MTCL1: variants seen among roughly 807,000 people sequenced by gnomAD.
The protein encoded by MTCL1 is microtubule crosslinking factor 1, also known as microtubule cross-linking factor 1.
In MTCL1, 79 loss-of-function variants were observed where a neutral mutation model predicts 141.4. That is an observed-to-expected ratio of 0.56 (90% CI 0.47 to 0.67). MTCL1 has a LOEUF of 0.67. MTCL1 is among the 30% of genes least tolerant of loss of function. The pLI is 0.00. For missense variants in MTCL1, 2,177 were observed against 2,113.9 expected (o/e 1.03, Z -0.59); for synonymous variants, 914 against 875.8 (o/e 1.04, Z -0.77).
intron 8 of MTCL1, 73 bp from the exon 8 acceptor site, chr18:8,796,159 G>C: frequency 6.8e-7 from 1 of 1,476,026 alleles, no homozygotes; most frequent in Non-Finnish European, 9.4e-7. Context: ...GCAGTTTGCA[G>C]GGACTCTTGG....
chr18:8,713,882 G>T (rs1404692487), upstream of MTCL1, among the ~76,000 whole-genome samples: 3 of 152,206 alleles, frequency 2.0e-5, no homozygotes, highest in African/African-American at 7.2e-5. Context: ...GCTCAAGGTG[G>T]CAGTGAGCCA....
chr18:8,814,760 C>G (rs576213182), intron 12 of MTCL1, among the ~76,000 whole-genome samples: 1 of 152,328 alleles, frequency 6.6e-6, no homozygotes, highest in South Asian at 2.1e-4. Flanking sequence ...CTGCCATGCC[C>G]CCTTTAGGGT....
intron 4 of MTCL1, among the ~76,000 whole-genome samples, chr18:8,775,553 A>G (rs918224727): frequency 6.6e-6 from 1 of 151,972 alleles, no homozygotes; most frequent in Non-Finnish European, 1.5e-5. Context: ...AGCCTGGGCG[A>G]CAGAGAAAGA....
At position 8,767,080 on chromosome 18, in the gene MTCL1, G is replaced by A. The variant is rs541769919; in HGVS notation, c.358-10753G>A. ...TAATTAAATAATCTGTAGTTTCCAG[G>A]ACAGTGGCAGAGGCTGATGGAGGAG... is the stretch of plus-strand genomic sequence containing the variant. On this transcript the variant is annotated intron_variant, in intron 4 of 16. Transcript: ENST00000359865. Among the ~76,000 whole-genome samples, 106 of 152,316 alleles carry A rather than the reference G, an allele frequency of 7.0e-4. 1 individual carries two copies. Among genetic ancestry groups the A allele is most frequent in the African/African-American group, 2.3e-3 (97 of 41,562 alleles).
rs746789873 is a variant in MTCL1 at position 8,829,707 on chromosome 18, A to T, written c.*18+743A>T. Reference sequence around the variant, plus strand: ...ATCTGTTGTCAAATACAACAGATGTATCCCCATGAAAAGATGACAGGGAAC... The same window carrying T: ...ATCTGTTGTCAAATACAACAGATGTTTCCCCATGAAAAGATGACAGGGAAC... On this transcript the variant is annotated intron_variant, in intron 16 of 16. Coordinates refer to ENST00000359865, the Ensembl canonical transcript of MTCL1. 5 of 985,202 alleles carry T rather than the reference A, an allele frequency of 5.1e-6. No individual in the cohort carries two copies. In the African/African-American group the frequency reaches 7.0e-5, roughly 14 times the overall value. 61.0% of individuals were successfully genotyped at this position (985,202 alleles called of 1,614,324 possible).
At chr18:8,715,578 T>A (rs993292833), upstream of MTCL1, among the ~76,000 whole-genome samples, 2 of 152,156 alleles carry the variant, frequency 1.3e-5, no homozygotes, top group Admixed American at 1.3e-4. Flanking sequence ...TATTAATGAC[T>A]CAGTGAAACA....
intron 12 of MTCL1, among the ~76,000 whole-genome samples, chr18:8,818,501 C>T (rs2076735811): frequency 6.6e-6 from 1 of 152,222 alleles, no homozygotes; most frequent in Non-Finnish European, 1.5e-5. Flanking sequence ...TCCACATGCC[C>T]TGGGGCTAGT....
In MTCL1 at chr18:8,772,480, A is replaced by G. The variant is rs552581594; in HGVS notation, c.358-5353A>G. On this transcript the variant is annotated intron_variant, in intron 4 of 16. Coordinates refer to ENST00000359865, the Ensembl canonical transcript of MTCL1. ...TGTAGATCATTTATGAAAAGCCACA[A>G]AGAAAGAAAATGAAAATCACTAATA... Among the ~76,000 whole-genome samples, 374 of 152,164 alleles carry G rather than the reference A, an allele frequency of 2.5e-3. 3 individuals carry two copies. The highest frequency in any genetic ancestry group is 4.2e-3 in the Non-Finnish European group (284 of 67,990).
intron 13 of MTCL1, among the ~76,000 whole-genome samples, chr18:8,820,712 C>G (rs139536840): frequency 6.6e-6 from 1 of 152,258 alleles, no homozygotes; most frequent in Non-Finnish European, 1.5e-5. Context: ...TGCGTGGGTT[C>G]CAGCCCACTG....
intron 8 of MTCL1, 124 bp downstream of exon 7, chr18:8,793,244 C>A: frequency 1.5e-6 from 2 of 1,352,654 alleles, no homozygotes; most frequent in Non-Finnish European, 2.0e-6. Flanking sequence ...CTCCTGGGCA[C>A]GTATGGAAAG....
chr18:8,817,976 G>A (rs116961569), intron 12 of MTCL1, among the ~76,000 whole-genome samples: 3 of 152,348 alleles, frequency 2.0e-5, no homozygotes, highest in Non-Finnish European at 2.9e-5. Flanking sequence ...GAGGCCGTGC[G>A]CCCTGCAAGC....
In MTCL1 at chr18:8,784,201, G is replaced by C. The variant is rs115675641; in HGVS notation, c.1089G>C (p.Leu363=). The change falls in exon 6 of 17, where the codon CTG becomes CTC. Residue 363 remains leucine, a synonymous_variant. Transcript: ENST00000359865. ...TGCAGCACGAGAACCACGCGCTGCTGTCCAACATCCAGCGCTGCGACCTGG... is the reference window on the plus strand; with the variant it reads ...TGCAGCACGAGAACCACGCGCTGCTCTCCAACATCCAGCGCTGCGACCTGG... The C allele has an allele frequency of 9.4e-4, 1,510 of 1,613,570 alleles. 15 individuals are homozygous for C. The African/African-American group carries it at 0.017, about 19-fold the overall frequency.
At chr18:8,721,773 CTCTG>C (rs942994150) in intron 4 of MTCL1, among the ~76,000 whole-genome samples, 4 of 152,228 alleles carry the variant, frequency 2.6e-5, no homozygotes, top group African/African-American at 9.7e-5. Context: ...TGTTTTCTTT[CTCTG>C]TCTTTTATCC....
intron 5 of MTCL1, 45 bp from the exon 5 acceptor site, chr18:8,783,485 G>C (rs1003121263): frequency 6.7e-7 from 1 of 1,493,666 alleles, no homozygotes. Context: ...ACGAACATTT[G>C]GTATTTTCAA....
exon 6 of MTCL1, chr18:8,784,162 C>G (rs1179892921): frequency 6.2e-7 from 1 of 1,613,772 alleles, no homozygotes; most frequent in African/African-American, 1.3e-5. Flanking sequence ...AGCTCAGCGG[C>G]AAGGTGCTCA....
intron 4 of MTCL1, among the ~76,000 whole-genome samples, chr18:8,735,469 G>A (rs576580481): frequency 1.6e-4 from 24 of 152,280 alleles, no homozygotes; most frequent in African/African-American, 5.8e-4. Context: ...TCTCTGACCT[G>A]TCCTTCCTGG....
Position 8,798,305 on chromosome 18 carries a change from C to T in MTCL1, c.2436+14C>T. 1.3e-6 allele frequency: 2 copies of T among 1,497,108 alleles called. No individual in the cohort carries two copies. The highest frequency in any genetic ancestry group is 2.6e-5 in the East Asian group (1 of 38,362). The allele number at this position is 1,497,108 out of a possible 1,614,324, so 92.7% of individuals were successfully genotyped here. ...CCCCACAAACAGGTGGGTACCTCGA[C>T]CCGAGCCTGTCGCCCTGCCCACACC... On this transcript the variant is annotated intron_variant, in intron 10 of 16. Coordinates refer to ENST00000359865, the Ensembl canonical transcript of MTCL1.
intron 4 of MTCL1, among the ~76,000 whole-genome samples, chr18:8,754,006 T>G (rs1409249525): frequency 6.6e-6 from 1 of 152,234 alleles, no homozygotes; most frequent in Non-Finnish European, 1.5e-5. Context: ...ACTGAAAATT[T>G]TATTGCTTTT....
chr18:8,789,650 G>A, intron 7 of MTCL1: 1 of 985,414 alleles, frequency 1.0e-6, no homozygotes, highest in Non-Finnish European at 1.2e-6. Flanking sequence ...AAACAAGTGA[G>A]GGTGGTGGTG....
Sources: gnomAD v4.1 joint callset for allele counts (sites outside exome capture counted in the v4.1 genomes callset) on GRCh38, gnomAD v4.1.1 for gene constraint, MANE v1.5 for transcripts, NCBI Gene and HGNC (gene_info 2026-07-23, HGNC 2026-07-21) for gene names.